Variants in PIBF1 observed in about 807,000 individuals in gnomAD.
PIBF1 encodes the protein progesterone-induced-blocking factor 1.
PIBF1 carries 90 observed loss-of-function variants against 112.5 expected under a neutral mutation model. The observed-to-expected ratio is 0.80, with a 90% CI of 0.67 to 0.95. The LOEUF is 0.95. Ranked by LOEUF, PIBF1 falls within the 40% of genes least tolerant of loss-of-function variation. PIBF1 has a pLI of 0.00. For synonymous variants in PIBF1, 301 were observed against 288.6 expected, an observed-to-expected ratio of 1.04 and a Z score of -0.44; for missense variants, 915 against 852.3, an observed-to-expected ratio of 1.07 and a Z score of -0.92.
At chr13:72,987,307 C>CTT (rs11397801) in intron 16 of PIBF1, among the ~76,000 whole-genome samples, 30,201 of 144,508 alleles carry the variant, frequency 0.21, 3,182 homozygotes, top group Middle Eastern at 0.27. Context: ...TGTTGTTCTA[C>CTT]TTTTTTTTTT....
At chr13:72,800,770 C>G (rs1380690769) in intron 5 of PIBF1, among the ~76,000 whole-genome samples, 1 of 151,886 alleles carries the variant, frequency 6.6e-6, no homozygotes, top group Non-Finnish European at 1.5e-5. Context: ...AAAGGGAAAA[C>G]AATAGCAAAT....
At chr13:72,973,160 T>A (rs575732071) in intron 15 of PIBF1, among the ~76,000 whole-genome samples, 2 of 152,182 alleles carry the variant, frequency 1.3e-5, no homozygotes, top group East Asian at 3.9e-4. Context: ...TAGTCCCAGA[T>A]ACTTAGGAGA....
intron 2 of PIBF1, among the ~76,000 whole-genome samples, chr13:72,791,656 G>A (rs1025246247): frequency 1.1e-4 from 16 of 151,066 alleles, no homozygotes; most frequent in South Asian, 1.0e-3. Context: ...TTTTTGAGAC[G>A]GAGTCTCGCT....
At chr13:72,887,613 G>A (rs1183653073) in intron 10 of PIBF1, among the ~76,000 whole-genome samples, 3 of 151,908 alleles carry the variant, frequency 2.0e-5, no homozygotes, top group African/African-American at 7.2e-5. Context: ...TAAATGGAAA[G>A]TACTTAATTT....
At chr13:72,827,602 A>G in intron 7 of PIBF1, 131 bp from the exon 8 acceptor site, 1 of 505,566 alleles carries the variant, frequency 2.0e-6, no homozygotes, top group Non-Finnish European at 3.4e-6. Flanking sequence ...TTGCATGCTA[A>G]GAATTAGCCC....
Position 72,819,767 on chromosome 13 carries a change from C to T in PIBF1, c.673-2082C>T, listed in dbSNP as rs147420490. Among the ~76,000 whole-genome samples the T allele has an allele frequency of 4.6e-5, 7 of 152,034 alleles. No homozygotes were observed. The East Asian group carries it at 9.7e-4, about 21-fold the overall frequency. ...CTAACACTCTACCTTCTGCCCCTACCGCTAAATACTTTAAAGGCTTTTTGT... is the reference window on the plus strand; with the variant it reads ...CTAACACTCTACCTTCTGCCCCTACTGCTAAATACTTTAAAGGCTTTTTGT... On this transcript the variant is annotated intron_variant, in intron 5 of 17. Transcript: ENST00000326291.
chr13:72,900,425 A>G (rs1382585207), intron 11 of PIBF1, among the ~76,000 whole-genome samples: 2 of 152,214 alleles, frequency 1.3e-5, no homozygotes, highest in African/African-American at 4.8e-5. Flanking sequence ...ATGGAACAGA[A>G]TAGAGAACCA....
chr13:72,905,952 A>G (rs1433895905), intron 11 of PIBF1, among the ~76,000 whole-genome samples: 1 of 152,218 alleles, frequency 6.6e-6, no homozygotes, highest in Admixed American at 6.5e-5. Flanking sequence ...CAGAGAGATT[A>G]TTCATTTATC....
chr13:72,786,847 A>C (rs966485348), intron 2 of PIBF1, among the ~76,000 whole-genome samples: 4 of 152,222 alleles, frequency 2.6e-5, no homozygotes, highest in Non-Finnish European at 5.9e-5. Flanking sequence ...GCTCTCAAAT[A>C]TATGAAGAAA....
intron 10 of PIBF1, among the ~76,000 whole-genome samples, chr13:72,872,959 G>A (rs1183591993): frequency 6.6e-6 from 1 of 152,098 alleles, no homozygotes; most frequent in Admixed American, 6.5e-5. Context: ...CTAAATAAGT[G>A]GAGTAAGATA....
In PIBF1 at chr13:72,973,116, G is replaced by A. The variant is rs150375359; in HGVS notation, c.1965-475G>A. Among the ~76,000 whole-genome samples, 6 of 152,072 alleles carry A rather than the reference G, an allele frequency of 3.9e-5. No individual in the cohort carries two copies. The South Asian group carries it at 8.3e-4, about 21-fold the overall frequency. On this transcript the variant is annotated intron_variant, in intron 15 of 17. Transcript: ENST00000326291. ...GTTACGTTGTCAAATGGATTCTTAA[G>A]AGAAGAAAAGCTGGGTGCAGTGATG... is the stretch of plus-strand genomic sequence containing the variant.
At position 72,795,443 on chromosome 13, in the gene PIBF1, A is replaced by G. The variant is rs1358758166; in HGVS notation, c.438A>G (p.Arg146=). 6.2e-7 allele frequency: 1 copy of G among 1,609,538 alleles called. No individual in the cohort carries two copies. Among genetic ancestry groups the G allele is most frequent in the Non-Finnish European group, 8.5e-7 (1 of 1,177,598 alleles). ...KQLEETNLQL[R]EKAGDVRRNL... ...TAGAAGAGACAAATCTTCAGCTAAG[A>G]GAAAAAGCTGGAGATGTTCGTCGAA... Residue 146 remains arginine, a synonymous_variant, in exon 4 of 18, where the codon AGA becomes AGG. Transcript: ENST00000326291.
chr13:72,857,705 T>G (rs1594065280), intron 10 of PIBF1, among the ~76,000 whole-genome samples: 1 of 152,072 alleles, frequency 6.6e-6, no homozygotes, highest in African/African-American at 2.4e-5. Context: ...CCTGGCATAG[T>G]GGCACGTGCC....
At chr13:72,891,907 C>T (rs552936612) in intron 10 of PIBF1, among the ~76,000 whole-genome samples, 1 of 152,068 alleles carries the variant, frequency 6.6e-6, no homozygotes, top group Non-Finnish European at 1.5e-5. Context: ...CATTCTACAA[C>T]ATGAATGAAC....
At chr13:72,937,379 C>T (rs1285869747) in intron 14 of PIBF1, among the ~76,000 whole-genome samples, 3 of 152,072 alleles carry the variant, frequency 2.0e-5, no homozygotes, top group African/African-American at 7.2e-5. Context: ...CATGTAGCTC[C>T]AAGTGATATT....
In PIBF1 at chr13:72,987,858, A is replaced by ATTTTTTTTTTTTTTTTTTTTTTTTTTTT. The variant is rs55999445; in HGVS notation, c.2050-10941_2050-10940insTTTTTTTTTTTTTTTTTTTTTTTTTTTT. Among the ~76,000 whole-genome samples the ATTTTTTTTTTTTTTTTTTTTTTTTTTTT allele has an allele frequency of 2.9e-4, 17 of 58,134 alleles. 1 individual carries two copies. Among genetic ancestry groups the ATTTTTTTTTTTTTTTTTTTTTTTTTTTT allele is most frequent in the African/African-American group, 1.5e-3 (16 of 10,706 alleles). 38.1% of individuals were successfully genotyped at this position (58,134 alleles called of 152,430 possible). A position where few individuals can be genotyped will look rare whatever the true frequency, so the allele number is the denominator to read the frequency against. The stretch of plus-strand genomic sequence containing the variant: ...TTGTAATTTATTTATTTATTTATTT[A>ATTTTTTTTTTTTTTTTTTTTTTTTTTTT]TTTTTTTTTTTTTTTTTTTTTTTGA... On this transcript the variant is annotated intron_variant, in intron 16 of 17. Transcript: ENST00000326291.
chr13:72,977,684 G>T (rs1034491388), intron 16 of PIBF1, among the ~76,000 whole-genome samples: 22 of 152,212 alleles, frequency 1.4e-4, no homozygotes, highest in African/African-American at 5.1e-4. Flanking sequence ...TGACCACAGA[G>T]AGTTTTTATT....
chr13:72,973,794 C>A, intron 16 of PIBF1, 119 bp downstream of exon 16: 1 of 598,230 alleles, frequency 1.7e-6, no homozygotes, highest in East Asian at 3.1e-5. Flanking sequence ...TTATTTATGT[C>A]TCACTGTAAT....
At chr13:72,900,004 T>C (rs958042522) in intron 11 of PIBF1, among the ~76,000 whole-genome samples, 1 of 151,972 alleles carries the variant, frequency 6.6e-6, no homozygotes, top group African/African-American at 2.4e-5. Context: ...CCCCTTTTAC[T>C]ATAGCTGCAA....
Sources: gnomAD v4.1 joint callset for allele counts (sites outside exome capture counted in the v4.1 genomes callset) on GRCh38, gnomAD v4.1.1 for gene constraint, MANE v1.5 for transcripts, NCBI Gene and HGNC (gene_info 2026-07-23, HGNC 2026-07-21) for gene names.